ZNF627: variants seen among roughly 807,000 people sequenced by gnomAD.
ZNF627 encodes zinc finger protein 627.
A neutral mutation model predicts 10.6 loss-of-function variants in ZNF627; 12 were observed. The ratio of observed to expected loss-of-function variants is 1.13; its 90% CI spans 0.73 to 1.84. The LOEUF is 1.84. Ranked by LOEUF, ZNF627 falls within the 40% of genes most tolerant of loss-of-function variation. ZNF627 has a pLI of 0.00. For synonymous variants in ZNF627, 176 were observed against 187.1 expected, an observed-to-expected ratio of 0.94 and a Z score of 0.48; for missense variants, 504 against 568.4, an observed-to-expected ratio of 0.89 and a Z score of 1.15.
At chr19:11,611,702 G>A (rs543887068) in intron 1 of ZNF627, among the ~76,000 whole-genome samples, 39 of 152,272 alleles carry the variant, frequency 2.6e-4, no homozygotes, top group African/African-American at 9.4e-4. Context: ...CGTGACAGAA[G>A]GGTGGGTTTT....
intron 1 of ZNF627, among the ~76,000 whole-genome samples, chr19:11,606,049 A>G (rs2145127676): frequency 6.6e-6 from 1 of 152,272 alleles, no homozygotes; most frequent in East Asian, 1.9e-4. Context: ...AAGCTTTGAC[A>G]TAATCTCCTT....
intron 1 of ZNF627, among the ~76,000 whole-genome samples, chr19:11,611,330 GA>G (rs1231294815): frequency 2.6e-5 from 4 of 151,716 alleles, no homozygotes; most frequent in South Asian, 4.2e-4. Flanking sequence ...TTCTGACACA[GA>G]ATTATTTATT....
At chr19:11,600,752 T>C (rs966270071) in intron 1 of ZNF627, among the ~76,000 whole-genome samples, 2 of 152,202 alleles carry the variant, frequency 1.3e-5, no homozygotes, top group African/African-American at 2.4e-5. Flanking sequence ...TATCTAGACA[T>C]CAGAGTTTAA....
chr19:11,612,684 G>A (rs1307026398), intron 1 of ZNF627, among the ~76,000 whole-genome samples: 1 of 151,952 alleles, frequency 6.6e-6, no homozygotes, highest in African/African-American at 2.4e-5. Context: ...GCCTCTCAAA[G>A]TGCTGAGATT....
chr19:11,610,560 G>A (rs1490568822), intron 1 of ZNF627, among the ~76,000 whole-genome samples: 3 of 152,164 alleles, frequency 2.0e-5, no homozygotes, highest in East Asian at 1.9e-4. Flanking sequence ...TCGTGATTAC[G>A]CCACTGCACT....
In ZNF627 at chr19:11,617,569, AC is replaced by A; in HGVS notation, c.1069del (p.His357ThrfsTer178). 1 of 1,613,882 alleles carries A rather than the reference AC, an allele frequency of 6.2e-7. No homozygotes were observed. Among genetic ancestry groups the A allele is most frequent in the Non-Finnish European group, 8.5e-7 (1 of 1,179,964 alleles). On this transcript the variant is annotated frameshift_variant, in exon 4 of 4. Transcript: ENST00000361113. LOFTEE classifies it low-confidence loss of function (END_TRUNC). ...CAGTTCATTTCGAATCCATGAAAGG[AC>A]CCACACTGGAGAGAAACCCTATGAT... Reference protein sequence around the residue: ...FPSSFRIHERTHTGEKPYDCK... With the variant: ...FPSSFRIHERXHTGEKPYDCK...
At chr19:11,597,674 T>C in intron 1 of ZNF627, 44 bp downstream of exon 1, 1 of 1,332,956 alleles carries the variant, frequency 7.5e-7, no homozygotes, top group South Asian at 2.7e-5. Context: ...GGGGAGGGGC[T>C]GGTTGGAACC....
intron 1 of ZNF627, among the ~76,000 whole-genome samples, chr19:11,607,426 C>T (rs980767098): frequency 5.3e-5 from 8 of 151,952 alleles, no homozygotes; most frequent in Admixed American, 1.3e-4. Context: ...TGAGCCACCA[C>T]GCCTGGCTGG....
Position 11,616,792 on chromosome 19 carries a change from G to A in ZNF627, c.289G>A (p.Gly97Arg), listed in dbSNP as rs1233723626. 5 of 1,613,880 alleles carry A rather than the reference G, an allele frequency of 3.1e-6. No individual in the cohort carries two copies. The highest frequency in any genetic ancestry group is 4.2e-6 in the Non-Finnish European group (5 of 1,179,994). Residue 97 changes from glycine (G) to arginine (R), a missense_variant, in exon 4 of 4, where the codon GGA becomes AGA. Transcript: ENST00000361113. ...TGGTATTCTGAACAAGAAAACTCCT[G>A]GAGTAAAACCGTGTGAAAGCAGTGT... ...PDGILNKKTPGVKPCESSVCG... is the reference protein window; with the variant it reads ...PDGILNKKTPRVKPCESSVCG...
intron 3 of ZNF627, 78 bp downstream of exon 3, chr19:11,614,965 TTA>T (rs1370847642): frequency 8.7e-7 from 1 of 1,153,686 alleles, no homozygotes; most frequent in Non-Finnish European, 1.2e-6. Context: ...TTTTTTTTTT[TTA>T]GATGAAGTCT....
intron 1 of ZNF627, among the ~76,000 whole-genome samples, chr19:11,607,022 G>C (rs567559674): frequency 6.6e-6 from 1 of 152,296 alleles, no homozygotes; most frequent in South Asian, 2.1e-4. Context: ...ATGAAGGTCT[G>C]TGATGTGTCC....
intron 1 of ZNF627, among the ~76,000 whole-genome samples, chr19:11,602,475 T>A (rs1973604290): frequency 6.6e-6 from 1 of 152,218 alleles, no homozygotes; most frequent in South Asian, 2.1e-4. Flanking sequence ...CATAGCTATT[T>A]CCAGGATTAC....
chr19:11,606,900 G>A (rs1452382428), intron 1 of ZNF627, among the ~76,000 whole-genome samples: 1 of 152,162 alleles, frequency 6.6e-6, no homozygotes, highest in Non-Finnish European at 1.5e-5. Flanking sequence ...GAGTGGCTGG[G>A]CACAGGGAAC....
rs1973506984 is a variant in ZNF627, at chr19:11,597,494, C to T, written c.-134C>T. The T allele has an allele frequency of 4.2e-6, 4 of 951,648 alleles. No individual in the cohort carries two copies. Among genetic ancestry groups the T allele is most frequent in the South Asian group, 1.0e-4 (2 of 19,182 alleles). The allele number at this position is 951,648 out of a possible 1,614,324, so 59.0% of individuals were successfully genotyped here. ...CCTACGGAGCCTTTGTTTCTGGCGA[C>T]CGTCCCCACCCGGGCTCGCGTCTCC... On this transcript the variant is annotated 5_prime_UTR_variant, in exon 1 of 4. Transcript: ENST00000361113.
At chr19:11,604,806 G>T (rs561803292) in intron 1 of ZNF627, among the ~76,000 whole-genome samples, 2 of 152,312 alleles carry the variant, frequency 1.3e-5, no homozygotes, top group South Asian at 4.1e-4. Flanking sequence ...ATTCAGCCTT[G>T]AATGCAGCAG....
chr19:11,597,854 G>A (rs1226310000), intron 1 of ZNF627, among the ~76,000 whole-genome samples: 1 of 152,234 alleles, frequency 6.6e-6, no homozygotes, highest in African/African-American at 2.4e-5. Context: ...CTCCCCACAT[G>A]GTGCGGGGGC....
chr19:11,607,675 ACC>A (rs1973698247), intron 1 of ZNF627, among the ~76,000 whole-genome samples: 1 of 152,050 alleles, frequency 6.6e-6, no homozygotes, highest in South Asian at 2.1e-4. Context: ...TCCATCTGAG[ACC>A]ACCTCAGCCT....
intron 1 of ZNF627, among the ~76,000 whole-genome samples, chr19:11,602,175 G>A (rs1472392656): frequency 6.6e-6 from 1 of 151,710 alleles, no homozygotes; most frequent in Admixed American, 6.6e-5. Flanking sequence ...TCTTAGGAGG[G>A]TCATCAGAGG....
intron 1 of ZNF627, among the ~76,000 whole-genome samples, chr19:11,607,068 T>G (rs185699002): frequency 6.6e-5 from 10 of 152,316 alleles, no homozygotes; most frequent in African/African-American, 2.2e-4. Flanking sequence ...GTGATTAACA[T>G]TTGGCTTCTC....
Sources: allele counts gnomAD v4.1 joint callset (sites outside exome capture counted in the v4.1 genomes callset), GRCh38; gene constraint gnomAD v4.1.1; transcripts MANE v1.5; gene names NCBI Gene and HGNC (gene_info 2026-07-23, HGNC 2026-07-21).